Variants in YTHDF2 observed in about 807,000 individuals in gnomAD.
YTHDF2 encodes the protein YTH domain-containing family protein 2.
A neutral mutation model predicts 50.4 loss-of-function variants in YTHDF2; 2 were observed. The ratio of observed to expected loss-of-function variants is 0.04; its 90% CI spans 0.02 to 0.12. The LOEUF is 0.12. YTHDF2 is among the 10% of genes least tolerant of loss of function. YTHDF2 has a pLI of 1.00. For missense variants in YTHDF2, 483 were observed against 722.6 expected, an observed-to-expected ratio of 0.67 and a Z score of 3.80; for synonymous variants, 217 against 255.6, an observed-to-expected ratio of 0.85 and a Z score of 1.44.
At chr1:28,761,237 C>G (rs186245367) in intron 4 of YTHDF2, among the ~76,000 whole-genome samples, 18 of 148,576 alleles carry the variant, frequency 1.2e-4, no homozygotes, top group Middle Eastern at 3.7e-3. Flanking sequence ...TGGGCTTAAG[C>G]ATACTTTTTC....
intron 4 of YTHDF2, among the ~76,000 whole-genome samples, chr1:28,761,827 G>A (rs1570479264): frequency 6.6e-6 from 1 of 152,158 alleles, no homozygotes; most frequent in East Asian, 1.9e-4. Context: ...TAGGCAGGAG[G>A]TACCATGGCC....
chr1:28,746,151 A>T (rs2087857352), intron 4 of YTHDF2, among the ~76,000 whole-genome samples: 1 of 152,164 alleles, frequency 6.6e-6, no homozygotes, highest in Non-Finnish European at 1.5e-5. Context: ...TAGAGGGACA[A>T]GTAAGGAGGC....
chr1:28,736,719 A>G, upstream of YTHDF2: 1 of 243,810 alleles, frequency 4.1e-6, no homozygotes, highest in Non-Finnish European at 8.1e-6. Context: ...GGAGGCCGTG[A>G]GCACGGCTTC....
intron 4 of YTHDF2, among the ~76,000 whole-genome samples, chr1:28,747,656 G>A (rs2087885216): frequency 1.4e-5 from 2 of 144,960 alleles, no homozygotes; most frequent in South Asian, 4.6e-4. Context: ...CTGACTTTGT[G>A]ATCCTCCCGC....
chr1:28,766,034 T>C (rs2088210860), intron 4 of YTHDF2, among the ~76,000 whole-genome samples: 1 of 152,160 alleles, frequency 6.6e-6, no homozygotes, highest in South Asian at 2.1e-4. Context: ...TTGATAGCAA[T>C]TTTTTTGTGG....
chr1:28,752,223 G>A (rs946533324), intron 4 of YTHDF2, among the ~76,000 whole-genome samples: 2 of 152,190 alleles, frequency 1.3e-5, no homozygotes, highest in Admixed American at 6.5e-5. Context: ...GTTATTTACA[G>A]CTGTTGTATC....
At chr1:28,737,861 C>G in intron 2 of YTHDF2, 179 bp downstream of exon 2, 2 of 696,070 alleles carry the variant, frequency 2.9e-6, no homozygotes, top group Non-Finnish European at 4.7e-6. Flanking sequence ...ACAGCTTTTT[C>G]GCTAACAAGG....
chr1:28,747,167 T>C (rs989881879), intron 4 of YTHDF2, among the ~76,000 whole-genome samples: 1 of 152,226 alleles, frequency 6.6e-6, no homozygotes, highest in Non-Finnish European at 1.5e-5. Context: ...GAACTTGATA[T>C]GTAGGTGTAA....
intron 4 of YTHDF2, among the ~76,000 whole-genome samples, chr1:28,751,110 A>AAAAAAAAAAAG (rs1553144757): frequency 2.0e-4 from 29 of 144,476 alleles, no homozygotes; most frequent in African/African-American, 3.1e-4. Flanking sequence ...AAAAAAAAAA[A>AAAAAAAAAAAG]GGCTGGGCGT....
At chr1:28,761,941 A>G (rs1371139841) in intron 4 of YTHDF2, among the ~76,000 whole-genome samples, 1 of 152,216 alleles carries the variant, frequency 6.6e-6, no homozygotes, top group African/African-American at 2.4e-5. Flanking sequence ...TCTTAATTAT[A>G]TATGACTTGA....
intron 4 of YTHDF2, among the ~76,000 whole-genome samples, chr1:28,746,819 C>G (rs946417364): frequency 6.6e-6 from 1 of 151,964 alleles, no homozygotes; most frequent in African/African-American, 2.4e-5. Flanking sequence ...CTCTGGCTCA[C>G]GCCTGTAATC....
At chr1:28,745,321 G>T (rs141003338) in intron 4 of YTHDF2, among the ~76,000 whole-genome samples, 357 of 152,306 alleles carry the variant, frequency 2.3e-3, no homozygotes, top group African/African-American at 8.4e-3. Context: ...ACACTTGTCA[G>T]TGACACTAAA....
chr1:28,737,478 C>T (rs916154691), intron 1 of YTHDF2, 180 bp from the exon 2 acceptor site: 11 of 835,126 alleles, frequency 1.3e-5, no homozygotes, highest in Non-Finnish European at 1.8e-5. Context: ...TCTCCCCTGC[C>T]CCACGGGCCT....
chr1:28,765,139 C>G (rs1024708042), intron 4 of YTHDF2, among the ~76,000 whole-genome samples: 2 of 151,910 alleles, frequency 1.3e-5, no homozygotes, highest in Non-Finnish European at 2.9e-5. Flanking sequence ...GCAGCTGGGA[C>G]TATAGGTGTG....
At chr1:28,765,420 AT>A in intron 4 of YTHDF2, among the ~76,000 whole-genome samples, 1 of 110,130 alleles carries the variant, frequency 9.1e-6, no homozygotes, top group South Asian at 2.5e-4. Context: ...TTTGAAATAC[AT>A]TTTTAAAAAA....
Position 28,736,963 on chromosome 1 carries a change from G to C in YTHDF2, c.-158G>C, listed in dbSNP as rs1557536576. 42 of 891,394 alleles carry C rather than the reference G, an allele frequency of 4.7e-5. 1 individual carries two copies. In the South Asian group the frequency reaches 5.7e-4, roughly 12 times the overall value. The allele number at this position is 891,394 out of a possible 1,614,324, so 55.2% of individuals were successfully genotyped here. A position where few individuals can be genotyped will look rare whatever the true frequency, so the allele number is the denominator to read the frequency against. ...CTAGAGCGTCGCCGAGTCGGAGCCG[G>C]AGCCTGAGCCGCGCGCTGTGTCTCC... On this transcript the variant is annotated 5_prime_UTR_variant, in exon 1 of 5. Coordinates refer to ENST00000373812, the MANE Select transcript of YTHDF2 (RefSeq NM_016258.3).
chr1:28,741,950 A>C (rs2087783133), intron 3 of YTHDF2, among the ~76,000 whole-genome samples: 2 of 152,176 alleles, frequency 1.3e-5, no homozygotes, highest in Non-Finnish European at 2.9e-5. Context: ...TATCAGCTTA[A>C]CTTTAAATGT....
chr1:28,745,036 G>A (rs1035840196), intron 4 of YTHDF2, among the ~76,000 whole-genome samples: 7 of 152,176 alleles, frequency 4.6e-5, no homozygotes, highest in African/African-American at 1.7e-4. Context: ...GAAGATCTGT[G>A]TATTAGTGGT....
At chr1:28,749,986 GTTTT>G (rs371730633) in intron 4 of YTHDF2, among the ~76,000 whole-genome samples, 5 of 78,330 alleles carry the variant, frequency 6.4e-5, no homozygotes, top group Non-Finnish European at 1.1e-4. Context: ...AAAAAAGGTT[GTTTT>G]TTTTTTTTTT....
Sources: gnomAD v4.1 joint callset for allele counts (sites outside exome capture counted in the v4.1 genomes callset) on GRCh38, gnomAD v4.1.1 for gene constraint, MANE v1.5 for transcripts, NCBI Gene and HGNC (gene_info 2026-07-23, HGNC 2026-07-21) for gene names.